TRIP13: variants seen among roughly 807,000 people sequenced by gnomAD.
TRIP13 encodes the protein thyroid hormone receptor interactor 13.
In TRIP13, 25 loss-of-function variants were observed where a neutral mutation model predicts 54.4. That is an observed-to-expected ratio of 0.46 (90% CI 0.33 to 0.64). The LOEUF (loss-of-function observed/expected upper bound fraction) is 0.64, where lower values mean the gene tolerates loss of function less well. Among genes scored for constraint, TRIP13 ranks in the 30% least tolerant of loss-of-function variants. The pLI, the probability that TRIP13 is intolerant of heterozygous loss-of-function variation, is 0.02. For missense variants in TRIP13, 373 were observed against 534.2 expected, an observed-to-expected ratio of 0.70 and a Z score of 2.97; for synonymous variants, 207 against 207.8, an observed-to-expected ratio of 1.00 and a Z score of 0.03.
At chr5:899,977 T>A (rs1416982706) in intron 3 of TRIP13, among the ~76,000 whole-genome samples, 1 of 151,942 alleles carries the variant, frequency 6.6e-6, no homozygotes, top group Non-Finnish European at 1.5e-5. Flanking sequence ...GCCCAGGGCT[T>A]CATTCAGTCA....
chr5:914,929 A>G (rs1296314883), intron 11 of TRIP13, among the ~76,000 whole-genome samples: 6 of 152,150 alleles, frequency 3.9e-5, no homozygotes, highest in African/African-American at 1.4e-4. Context: ...AGGTAGGAAA[A>G]TCAAACGGTG....
At chr5:902,468 A>G (rs1754013810) in intron 5 of TRIP13, among the ~76,000 whole-genome samples, 1 of 152,172 alleles carries the variant, frequency 6.6e-6, no homozygotes, top group African/African-American at 2.4e-5. Flanking sequence ...CCAGTTACGT[A>G]TTTCCTCTTT....
At chr5:916,941 T>C in intron 12 of TRIP13, 67 bp from the exon 13 acceptor site, 1 of 1,471,994 alleles carries the variant, frequency 6.8e-7, no homozygotes, top group South Asian at 1.2e-5. Context: ...CGGCAGGGGC[T>C]GTGGATGCCA....
At position 916,997 on chromosome 5, in the gene TRIP13, G is replaced by C. The variant is rs752121449; in HGVS notation, c.1204-11G>C. 1.2e-6 allele frequency: 2 copies of C among 1,612,526 alleles called. No individual in the cohort carries two copies. The highest frequency in any genetic ancestry group is 3.4e-5 in the Admixed American group (2 of 59,666). On this transcript the variant is annotated splice_polypyrimidine_tract_variant and intron_variant, in intron 12 of 12. Transcript: ENST00000166345. The stretch of plus-strand genomic sequence containing the variant: ...GTTGAGCCCCTCCAGCAATGACCGT[G>C]TACCTTCTAGGCCCCCACCGTCACC...
chr5:911,836 A>G lies in TRIP13; in HGVS notation c.867-7A>G. 1 of 1,606,160 alleles carries G rather than the reference A, an allele frequency of 6.2e-7. No homozygotes were observed. Among genetic ancestry groups the G allele is most frequent in the Non-Finnish European group, 8.5e-7 (1 of 1,177,180 alleles). On this transcript the variant is annotated splice_polypyrimidine_tract_variant and splice_region_variant and intron_variant, in intron 9 of 12. Transcript: ENST00000166345. This position sits in a 1 kb window ranked among gnomAD's most constrained non-coding sequence, Gnocchi z 4.7. The stretch of plus-strand genomic sequence containing the variant: ...TGACTGTGGTGCTTGCTTCTCGGCC[A>G]CAACAGGCATTCCAATGTTGTGATT...
chr5:907,299 G>A lies in TRIP13; in HGVS notation c.672+106G>A. On this transcript the variant is annotated intron_variant, in intron 7 of 12. Coordinates refer to ENST00000166345, the MANE Select transcript of TRIP13 (RefSeq NM_004237.4). The surrounding 1 kb of genome is among the most constrained non-coding windows in gnomAD (Gnocchi z 4.1). ...GAAGCTTCAGGAGAGAACTGGGTGG[G>A]AAGGGTGTGTGAGGATTGGGGCTGA... is the stretch of plus-strand genomic sequence containing the variant. 2 of 1,034,134 alleles carry A rather than the reference G, an allele frequency of 1.9e-6. No individual in the cohort carries two copies. Among genetic ancestry groups the A allele is most frequent in the South Asian group, 1.4e-5 (1 of 72,146 alleles). 64.1% of individuals were successfully genotyped at this position (1,034,134 alleles called of 1,614,324 possible). A position where few individuals can be genotyped will look rare whatever the true frequency, so the allele number is the denominator to read the frequency against.
chr5:896,859 T>A, intron 3 of TRIP13, 65 bp downstream of exon 3: 2 of 1,525,374 alleles, frequency 1.3e-6, no homozygotes, highest in Non-Finnish European at 1.8e-6. Flanking sequence ...CCATGCCATG[T>A]CAGTTCACAG....
chr5:908,698 C>T lies in TRIP13; in HGVS notation c.866+237C>T, dbSNP rs1754168890. 1.6e-6 allele frequency: 2 copies of T among 1,272,292 alleles called. No individual in the cohort carries two copies. The highest frequency in any genetic ancestry group is 2.0e-6 in the Non-Finnish European group (2 of 995,230). 78.8% of individuals were successfully genotyped at this position (1,272,292 alleles called of 1,614,324 possible). Reference sequence around the variant, plus strand: ...AGAAGGCCAGGCGCGGTGGCTCACACCTGTAATCCCAGCACTTTGGGAGGC... The same window carrying T: ...AGAAGGCCAGGCGCGGTGGCTCACATCTGTAATCCCAGCACTTTGGGAGGC... On this transcript the variant is annotated intron_variant, in intron 9 of 12. Coordinates refer to ENST00000166345, the MANE Select transcript of TRIP13 (RefSeq NM_004237.4). The surrounding 1 kb of genome is among the most constrained non-coding windows in gnomAD (Gnocchi z 5.2).
At chr5:903,774 A>G (rs2150685386) in intron 5 of TRIP13, among the ~76,000 whole-genome samples, 1 of 152,278 alleles carries the variant, frequency 6.6e-6, no homozygotes, top group East Asian at 1.9e-4. Flanking sequence ...TGCCTTGATG[A>G]GTGGATTTCA....
chr5:894,088 C>G (rs1753812798), intron 1 of TRIP13, among the ~76,000 whole-genome samples: 3 of 152,136 alleles, frequency 2.0e-5, no homozygotes, highest in African/African-American at 7.2e-5. Flanking sequence ...ATGGTGGTCG[C>G]TGCTTGTAGG....
rs546759676 is a variant in TRIP13, at chr5:907,601, G to T, written c.673-387G>T. The stretch of plus-strand genomic sequence containing the variant: ...GGCATCCGCACATCCCTCTGGTGAG[G>T]TGAGGTGGGACCAGGCACGCTGGGC... On this transcript the variant is annotated intron_variant, in intron 7 of 12. Transcript: ENST00000166345. The surrounding 1 kb of genome is among the most constrained non-coding windows in gnomAD (Gnocchi z 4.1). Among the ~76,000 whole-genome samples the T allele has an allele frequency of 6.6e-6, 1 of 152,370 alleles. No homozygotes were observed. The highest frequency in any genetic ancestry group is 1.9e-4 in the East Asian group (1 of 5,182).
rs1265713453 is a variant in TRIP13, at chr5:893,173, A to G, written c.92+83A>G. On this transcript the variant is annotated intron_variant, in intron 1 of 12. Transcript: ENST00000166345. ...GTGCACCGAGCCCCGACCCCAGCGCACTGATTCTGATGCGACCGAACCCCA... is the reference window on the plus strand; with the variant it reads ...GTGCACCGAGCCCCGACCCCAGCGCGCTGATTCTGATGCGACCGAACCCCA... The G allele has an allele frequency of 6.0e-6, 7 of 1,168,192 alleles. No individual in the cohort carries two copies. The East Asian group carries it at 3.2e-4, about 54-fold the overall frequency. 72.4% of individuals were successfully genotyped at this position (1,168,192 alleles called of 1,614,324 possible).
chr5:893,413 A>C (rs1272017829), intron 1 of TRIP13, among the ~76,000 whole-genome samples: 1 of 152,130 alleles, frequency 6.6e-6, no homozygotes, highest in East Asian at 1.9e-4. Flanking sequence ...CAGTGCATTG[A>C]TGTGGCCCTG....
At chr5:902,978 G>C (rs1314887062) in intron 5 of TRIP13, among the ~76,000 whole-genome samples, 1 of 152,202 alleles carries the variant, frequency 6.6e-6, no homozygotes, top group African/African-American at 2.4e-5. Context: ...CTAAAAGGCA[G>C]AGCCAGGTGT....
At chr5:905,260 G>A (rs1289985697) in intron 6 of TRIP13, among the ~76,000 whole-genome samples, 3 of 152,178 alleles carry the variant, frequency 2.0e-5, no homozygotes, top group East Asian at 1.9e-4. Flanking sequence ...TCTGGCGGTC[G>A]GAGTATGCAC....
rs2150688051 is a variant in TRIP13 at position 907,885 on chromosome 5, G to A, written c.673-103G>A. 8.5e-7 allele frequency: 1 copy of A among 1,176,480 alleles called. No individual in the cohort carries two copies. The highest frequency in any genetic ancestry group is 1.3e-5 in the South Asian group (1 of 78,760). 72.9% of individuals were successfully genotyped at this position (1,176,480 alleles called of 1,614,324 possible). A position where few individuals can be genotyped will look rare whatever the true frequency, so the allele number is the denominator to read the frequency against. ...TCTGAGGGGCCGTCAGGAGACAGTG[G>A]GCTTGTGGGGACAACTGGGGCAGCA... On this transcript the variant is annotated intron_variant, in intron 7 of 12. Coordinates refer to ENST00000166345, the MANE Select transcript of TRIP13 (RefSeq NM_004237.4). The surrounding 1 kb of genome is among the most constrained non-coding windows in gnomAD (Gnocchi z 4.1).
At chr5:902,071 A>G (rs1754004279) in intron 5 of TRIP13, among the ~76,000 whole-genome samples, 1 of 152,244 alleles carries the variant, frequency 6.6e-6, no homozygotes, top group African/African-American at 2.4e-5. Context: ...AGCTTAACTT[A>G]TAAATTAGGC....
At chr5:901,268 G>C (rs1472682030) in intron 4 of TRIP13, 73 bp from the exon 5 acceptor site, 2 of 1,404,334 alleles carry the variant, frequency 1.4e-6, no homozygotes, top group African/African-American at 2.8e-5. Flanking sequence ...TTAAGCCCTG[G>C]GGGAGGGCAC....
At position 917,126 on chromosome 5, in the gene TRIP13, C is replaced by T. The variant is rs750186460; in HGVS notation, c.*23C>T. 1 of 1,611,408 alleles carries T rather than the reference C, an allele frequency of 6.2e-7. No individual in the cohort carries two copies. Among genetic ancestry groups the T allele is most frequent in the African/African-American group, 1.3e-5 (1 of 74,876 alleles). ...TGATCCTGGGCTTCCCCATCTGGTG[C>T]TTTTCCCATGGAGAACACACAACCA... is the stretch of plus-strand genomic sequence containing the variant. On this transcript the variant is annotated 3_prime_UTR_variant, in exon 13 of 13. Transcript: ENST00000166345.
Sources: allele counts gnomAD v4.1 joint callset (sites outside exome capture counted in the v4.1 genomes callset), GRCh38; gene constraint gnomAD v4.1.1; non-coding constraint Gnocchi (gnomAD v3.1); transcripts MANE v1.5; gene names NCBI Gene and HGNC (gene_info 2026-07-23, HGNC 2026-07-21).